The following LGSN variants were observed in gnomAD, a reference collection of about 807,000 sequenced individuals.
The protein encoded by LGSN is lengsin.
Under a neutral mutation model 19.5 loss-of-function variants are expected in LGSN, and 21 were observed. The observed-to-expected ratio is 1.07, with a 90% CI of 0.76 to 1.55. The LOEUF (loss-of-function observed/expected upper bound fraction) is 1.55. Ranked by LOEUF, LGSN falls within the 40% of genes most tolerant of loss-of-function variation. LGSN has a pLI of 0.00. For missense variants in LGSN, 673 were observed against 608.5 expected (o/e 1.11, Z -1.12); for synonymous variants, 257 against 215.6 (o/e 1.19, Z -1.68).
At chr6:63,465,401 C>G in the LGSN span, among the ~76,000 whole-genome samples, 1 of 152,068 alleles carries the variant, frequency 6.6e-6, no homozygotes. Flanking sequence ...AGGCTGGTCT[C>G]GAACTCCTGA....
the LGSN span, among the ~76,000 whole-genome samples, chr6:63,479,665 G>A: frequency 6.3e-4 from 96 of 152,244 alleles, no homozygotes; most frequent in African/African-American, 2.2e-3. Flanking sequence ...GCATGAACCC[G>A]GGAGATGGAG....
At chr6:63,471,015 A>G in the LGSN span, among the ~76,000 whole-genome samples, 1 of 137,306 alleles carries the variant, frequency 7.3e-6, no homozygotes, top group East Asian at 2.1e-4. Context: ...ATCTCAGCTC[A>G]CTGCAACTTC....
intron 1 of LGSN, among the ~76,000 whole-genome samples, chr6:63,318,684 A>C (rs768222209): frequency 1.3e-5 from 2 of 152,064 alleles, no homozygotes; most frequent in Non-Finnish European, 2.9e-5. Context: ...TTTGGTCTAG[A>C]CTGGTCTTGA....
At chr6:63,506,312 G>A in the LGSN span, among the ~76,000 whole-genome samples, 39 of 151,960 alleles carry the variant, frequency 2.6e-4, no homozygotes, top group Non-Finnish European at 4.9e-4. Context: ...CACCCAGGCT[G>A]GAGTGCAATG....
At chr6:63,372,769 A>G in the LGSN span, among the ~76,000 whole-genome samples, 503 of 152,292 alleles carry the variant, frequency 3.3e-3, 4 homozygotes, top group African/African-American at 0.012. Flanking sequence ...ACATGCCATA[A>G]TGTACTAATA....
chr6:63,470,305 T>TA, the LGSN span, among the ~76,000 whole-genome samples: 5 of 150,010 alleles, frequency 3.3e-5, no homozygotes, highest in East Asian at 2.0e-4. Context: ...CCGTCTCTAC[T>TA]AAAAAAAAAT....
the LGSN span, among the ~76,000 whole-genome samples, chr6:63,363,903 A>C: frequency 6.6e-6 from 1 of 152,206 alleles, no homozygotes; most frequent in Non-Finnish European, 1.5e-5. Flanking sequence ...TGTCAGATTC[A>C]ACAAACTTGA....
the LGSN span, among the ~76,000 whole-genome samples, chr6:63,542,512 C>A: frequency 6.6e-6 from 1 of 152,112 alleles, no homozygotes; most frequent in East Asian, 1.9e-4. Flanking sequence ...CAAAACTTTT[C>A]AAGAGTCCAA....
the LGSN span, among the ~76,000 whole-genome samples, chr6:63,449,764 G>A: frequency 6.6e-6 from 1 of 152,032 alleles, no homozygotes. Context: ...ATAAAATAGT[G>A]GTTGGATCCT....
At chr6:63,410,661 C>A in the LGSN span, among the ~76,000 whole-genome samples, 8 of 152,284 alleles carry the variant, frequency 5.3e-5, no homozygotes, top group East Asian at 9.6e-4. Context: ...TTTCTTGGAA[C>A]CATAAAGTGC....
At chr6:63,510,727 G>T in the LGSN span, among the ~76,000 whole-genome samples, 1 of 140,930 alleles carries the variant, frequency 7.1e-6, no homozygotes, top group Non-Finnish European at 1.5e-5. Context: ...AGGCTGGAGT[G>T]CAGTGACACA....
chr6:63,286,039 A>AGC (rs1767524884), intron 2 of LGSN, among the ~76,000 whole-genome samples: 1 of 152,178 alleles, frequency 6.6e-6, no homozygotes, highest in Non-Finnish European at 1.5e-5. Flanking sequence ...TACTTACTGA[A>AGC]AATCCCTTTG....
chr6:63,333,172 A>T, the LGSN span, among the ~76,000 whole-genome samples: 1 of 152,056 alleles, frequency 6.6e-6, no homozygotes, highest in African/African-American at 2.4e-5. Context: ...TTATTCTCTT[A>T]TCTGGCCCCA....
chr6:63,463,118 T>A, the LGSN span, among the ~76,000 whole-genome samples: 16 of 152,314 alleles, frequency 1.1e-4, 1 homozygote, highest in African/African-American at 3.8e-4. Flanking sequence ...CCACTGCTAG[T>A]TGTGTAACGT....
the LGSN span, among the ~76,000 whole-genome samples, chr6:63,325,185 AAAAC>A: frequency 2.0e-5 from 3 of 152,136 alleles, no homozygotes; most frequent in African/African-American, 7.2e-5. Flanking sequence ...TAAAAAACAC[AAAAC>A]AAACAAACAA....
chr6:63,317,304 A>G (rs1420893396), intron 1 of LGSN, among the ~76,000 whole-genome samples: 2 of 152,200 alleles, frequency 1.3e-5, no homozygotes, highest in African/African-American at 4.8e-5. Context: ...TGTAGGCACT[A>G]TTAATGTCCC....
the LGSN span, among the ~76,000 whole-genome samples, chr6:63,336,927 C>CT: frequency 2.6e-3 from 373 of 145,432 alleles, 3 homozygotes; most frequent in African/African-American, 9.0e-3. Flanking sequence ...CCTTTCTTTT[C>CT]TTTTCTTTTT....
At chr6:63,539,786 A>G in the LGSN span, among the ~76,000 whole-genome samples, 3 of 152,016 alleles carry the variant, frequency 2.0e-5, no homozygotes, top group Non-Finnish European at 4.4e-5. Context: ...AAAAATTGGC[A>G]AAGGATATGA....
the LGSN span, among the ~76,000 whole-genome samples, chr6:63,359,441 C>T: frequency 6.6e-6 from 1 of 152,310 alleles, no homozygotes; most frequent in East Asian, 1.9e-4. Flanking sequence ...TGGTAGAATG[C>T]ATCTGTGAAT....
Sources: allele counts gnomAD v4.1 joint callset (sites outside exome capture counted in the v4.1 genomes callset), GRCh38; gene constraint gnomAD v4.1.1; transcripts MANE v1.5; gene names NCBI Gene and HGNC (gene_info 2026-07-23, HGNC 2026-07-21).